Variants in EPHA6 observed in about 807,000 individuals in gnomAD.
The protein encoded by EPHA6 is ephrin type-A receptor 6.
Under a neutral mutation model 112.0 loss-of-function variants are expected in EPHA6, and 50 were observed. The ratio of observed to expected loss-of-function variants is 0.45; its 90% confidence interval spans 0.36 to 0.56. The LOEUF is 0.56. EPHA6 is among the 20% of genes least tolerant of loss of function. The pLI, the probability that EPHA6 is intolerant of heterozygous loss-of-function variation, is 0.00. For synonymous variants in EPHA6, 529 were observed against 490.7 expected, an observed-to-expected ratio of 1.08 and a Z score of -1.03; for missense variants, 1,280 against 1,417.4, an observed-to-expected ratio of 0.90 and a Z score of 1.56.
At chr3:96,819,331 CTTCT>C (rs1325958956) in intron 1 of EPHA6, among the ~76,000 whole-genome samples, 2 of 151,932 alleles carry the variant, frequency 1.3e-5, no homozygotes, top group Non-Finnish European at 2.9e-5. Flanking sequence ...AAGCCTTTTG[CTTCT>C]TTGTTTCTTC....
At chr3:97,131,393 A>G (rs943276588) in intron 3 of EPHA6, among the ~76,000 whole-genome samples, 1 of 152,122 alleles carries the variant, frequency 6.6e-6, no homozygotes, top group African/African-American at 2.4e-5. Flanking sequence ...GTGTACTTAC[A>G]ATATTCCTTA....
At chr3:96,859,548 ATTTTAATT>A (rs2035891528) in intron 1 of EPHA6, among the ~76,000 whole-genome samples, 2 of 151,936 alleles carry the variant, frequency 1.3e-5, no homozygotes, top group South Asian at 4.2e-4. Flanking sequence ...CACCTGGCTA[ATTTTAATT>A]TTTTAATTTT....
intron 10 of EPHA6, among the ~76,000 whole-genome samples, chr3:97,516,443 G>A (rs1435175328): frequency 2.0e-5 from 3 of 152,134 alleles, no homozygotes; most frequent in African/African-American, 7.2e-5. Flanking sequence ...TCTTTAAAAT[G>A]TTCACTTTCA....
At chr3:97,204,128 T>C (rs901806417) in intron 3 of EPHA6, among the ~76,000 whole-genome samples, 2 of 152,112 alleles carry the variant, frequency 1.3e-5, no homozygotes, top group Non-Finnish European at 2.9e-5. Flanking sequence ...AAAGAGTAAA[T>C]TTTATCCATA....
chr3:96,845,391 T>A (rs1165849809), intron 1 of EPHA6, among the ~76,000 whole-genome samples: 1 of 151,996 alleles, frequency 6.6e-6, no homozygotes, highest in Non-Finnish European at 1.5e-5. Context: ...TATGCTGTCA[T>A]ACAAAGACTT....
At chr3:97,380,473 G>A (rs193298627) in intron 5 of EPHA6, among the ~76,000 whole-genome samples, 27 of 152,220 alleles carry the variant, frequency 1.8e-4, no homozygotes, top group Non-Finnish European at 2.9e-4. Flanking sequence ...ACTCATTACC[G>A]TGGATCCCTT....
rs1165305612 is a variant in EPHA6, at chr3:97,752,440, T to C, written c.*3739T>C. On this transcript the variant is annotated 3_prime_UTR_variant, in exon 18 of 18. Coordinates refer to ENST00000389672, the MANE Select transcript of EPHA6 (RefSeq NM_001080448.3). Reference sequence around the variant, plus strand: ...GCTAGTTCTTTCTTTTCTCCTCTTTTAATAAATTTTCTAAAACTTTCTCAG... The same window carrying C: ...GCTAGTTCTTTCTTTTCTCCTCTTTCAATAAATTTTCTAAAACTTTCTCAG... 4.5e-6 allele frequency: 1 copy of C among 222,578 alleles called. No homozygotes were observed. The highest frequency in any genetic ancestry group is 9.0e-6 in the Non-Finnish European group (1 of 111,340). The allele number at this position is 222,578 out of a possible 1,614,324, so 13.8% of individuals were successfully genotyped here. A position where few individuals can be genotyped will look rare whatever the true frequency, so the allele number is the denominator to read the frequency against.
chr3:96,856,420 C>A (rs2035701369), intron 1 of EPHA6, among the ~76,000 whole-genome samples: 1 of 151,808 alleles, frequency 6.6e-6, no homozygotes. Context: ...ATGTAAGAAA[C>A]CTTGGAAAAA....
chr3:97,193,129 T>C (rs907843565), intron 3 of EPHA6, among the ~76,000 whole-genome samples: 1 of 152,168 alleles, frequency 6.6e-6, no homozygotes, highest in African/African-American at 2.4e-5. Flanking sequence ...CTAGGTCTTT[T>C]GTGCTTTCAT....
intron 5 of EPHA6, among the ~76,000 whole-genome samples, chr3:97,286,553 T>A (rs930770688): frequency 6.6e-6 from 1 of 152,196 alleles, no homozygotes; most frequent in Non-Finnish European, 1.5e-5. Context: ...TGCAAATAGG[T>A]GAACTTACTT....
At chr3:97,518,834 T>G (rs1417648687) in intron 10 of EPHA6, among the ~76,000 whole-genome samples, 1 of 152,014 alleles carries the variant, frequency 6.6e-6, no homozygotes, top group African/African-American at 2.4e-5. Flanking sequence ...AAATTATTTG[T>G]TTTTTTGTTT....
chr3:97,698,170 T>C (rs564826941), intron 14 of EPHA6, among the ~76,000 whole-genome samples: 2 of 152,206 alleles, frequency 1.3e-5, no homozygotes, highest in East Asian at 3.9e-4. Context: ...GCCCGGCTAA[T>C]TTTGTATTTT....
At chr3:96,967,181 T>TACACACAC (rs144463079) in intron 2 of EPHA6, among the ~76,000 whole-genome samples, 2,783 of 146,118 alleles carry the variant, frequency 0.019, 84 homozygotes, top group African/African-American at 0.065. Context: ...ATGCTATGAA[T>TACACACAC]ACACACACAC....
chr3:97,572,296 G>A (rs1204261329), intron 11 of EPHA6, among the ~76,000 whole-genome samples: 3 of 151,646 alleles, frequency 2.0e-5, no homozygotes, highest in African/African-American at 4.8e-5. Context: ...GACTACAGGC[G>A]CCCGCCACCA....
chr3:97,086,118 A>G (rs924462662), intron 3 of EPHA6, among the ~76,000 whole-genome samples: 1 of 151,638 alleles, frequency 6.6e-6, no homozygotes, highest in Admixed American at 6.6e-5. Context: ...TATTTTTAGT[A>G]GAGATGGGGT....
chr3:97,348,470 T>C (rs144545140), intron 5 of EPHA6, among the ~76,000 whole-genome samples: 25 of 152,162 alleles, frequency 1.6e-4, no homozygotes, highest in Admixed American at 5.2e-4. Context: ...TGATTCCACA[T>C]ATAAGATGGA....
intron 2 of EPHA6, among the ~76,000 whole-genome samples, chr3:96,933,041 A>G (rs1386478142): frequency 6.6e-6 from 1 of 152,086 alleles, no homozygotes; most frequent in African/African-American, 2.4e-5. Context: ...GTAATCATCC[A>G]TCTGGACGTC....
intron 2 of EPHA6, among the ~76,000 whole-genome samples, chr3:96,964,845 A>G (rs762855330): frequency 2.0e-5 from 3 of 152,320 alleles, no homozygotes; most frequent in South Asian, 2.1e-4. Context: ...AATGGCTGCA[A>G]AAGTCTACTG....
chr3:97,633,606 C>T (rs779636672), intron 13 of EPHA6, among the ~76,000 whole-genome samples: 1 of 152,016 alleles, frequency 6.6e-6, no homozygotes, highest in Non-Finnish European at 1.5e-5. Flanking sequence ...AGGGATAATA[C>T]TCATGTCCTA....
Sources: allele counts gnomAD v4.1 joint callset (sites outside exome capture counted in the v4.1 genomes callset), GRCh38; gene constraint gnomAD v4.1.1; transcripts MANE v1.5; gene names NCBI Gene and HGNC (gene_info 2026-07-23, HGNC 2026-07-21).